NPM3: variants seen among roughly 807,000 people sequenced by gnomAD.
NPM3 encodes the protein nucleophosmin/nucleoplasmin 3.
NPM3 carries 12 observed loss-of-function variants against 18.1 expected under a neutral mutation model. The observed-to-expected ratio is 0.66, with a 90% CI of 0.42 to 1.07. The LOEUF (loss-of-function observed/expected upper bound fraction) is 1.07. Among genes scored for constraint, NPM3 ranks in the 50% least tolerant of loss-of-function variants. The probability of loss-of-function intolerance (pLI) is 0.00; values close to 1 mark genes in which losing one functional copy is unlikely to be tolerated. For synonymous variants in NPM3, 116 were observed against 93.7 expected (o/e 1.24, Z -1.38); for missense variants, 274 against 232.1 (o/e 1.18, Z -1.17).
At chr10:101,783,297 C>G in exon 1 of NPM3, 1 of 1,611,290 alleles carries the variant, frequency 6.2e-7, no homozygotes, top group Non-Finnish European at 8.5e-7. Flanking sequence ...TCCATAGTGA[C>G]CGGGGCCGGG....
intron 2 of NPM3, 100 bp downstream of exon 2, chr10:101,782,739 T>G: frequency 6.4e-7 from 1 of 1,569,960 alleles, no homozygotes; most frequent in South Asian, 1.1e-5. Flanking sequence ...GGGGTTAGGC[T>G]GAGGATGTGT....
At chr10:101,782,205 C>T in intron 4 of NPM3, 53 bp downstream of exon 4, 1 of 1,486,910 alleles carries the variant, frequency 6.7e-7, no homozygotes, top group South Asian at 1.2e-5. Context: ...GTGGGGGAAG[C>T]CTGATGGGAG....
chr10:101,783,010 C>T, intron 1 of NPM3, 86 bp from the exon 2 acceptor site: 1 of 1,254,622 alleles, frequency 8.0e-7, no homozygotes, highest in East Asian at 2.4e-5. Flanking sequence ...CACGTGTAAC[C>T]TTGGGCGGAC....
chr10:101,783,226 C>A, intron 1 of NPM3, 47 bp downstream of exon 1: 2 of 1,379,008 alleles, frequency 1.5e-6, no homozygotes, highest in Non-Finnish European at 2.0e-6. Context: ...CACATCCCTA[C>A]CTCTTACCGC....
chr10:101,783,274 G>A (rs2065157518), exon 1 of NPM3: 3 of 1,598,910 alleles, frequency 1.9e-6, no homozygotes, highest in East Asian at 4.5e-5. Context: ...CACTAATACC[G>A]AAGAAAAAAC....
chr10:101,781,335 C>T, exon 6 of NPM3: 1 of 198,910 alleles, frequency 5.0e-6, no homozygotes, highest in South Asian at 9.4e-5. Flanking sequence ...TGCAAAAACT[C>T]CACACCACTT....
intron 4 of NPM3, 126 bp downstream of exon 4, chr10:101,782,132 G>A (rs2135012199): frequency 1.1e-6 from 1 of 935,332 alleles, no homozygotes; most frequent in Non-Finnish European, 1.7e-6. Flanking sequence ...ACAGCGTGGA[G>A]GGCACACAGA....
chr10:101,781,634 T>C lies in NPM3; in HGVS notation c.*10-2A>G. 1 of 1,338,122 alleles carries C rather than the reference T, an allele frequency of 7.5e-7. No individual in the cohort carries two copies. Among genetic ancestry groups the C allele is most frequent in the African/African-American group, 1.5e-5 (1 of 67,416 alleles). The allele number at this position is 1,338,122 out of a possible 1,614,324, so 82.9% of individuals were successfully genotyped here. On this transcript the variant is annotated splice_acceptor_variant, in intron 5 of 5. Transcript: ENST00000370110. LOFTEE classifies it low-confidence loss of function (3UTR_SPLICE). ...CGGTGCATGGCACATGGAGCTGACC[T>C]GAAAAGAGGAAACAAGGAATCAGCA... is the stretch of plus-strand genomic sequence containing the variant.
At chr10:101,783,361 C>G in exon 1 of NPM3, 1 of 1,612,632 alleles carries the variant, frequency 6.2e-7, no homozygotes, top group Non-Finnish European at 8.5e-7. Context: ...GACTCAAAAA[C>G]GCTAAGGCAG....
At chr10:101,783,066 G>A in intron 1 of NPM3, 142 bp from the exon 2 acceptor site, 1 of 834,346 alleles carries the variant, frequency 1.2e-6, no homozygotes, top group Non-Finnish European at 1.9e-6. Context: ...AGAACACCTG[G>A]GACGCTCTGC....
chr10:101,782,248 C>T lies in NPM3; in HGVS notation c.418+10G>A. 1 of 1,611,406 alleles carries T rather than the reference C, an allele frequency of 6.2e-7. No individual in the cohort carries two copies. Among genetic ancestry groups the T allele is most frequent in the East Asian group, 2.2e-5 (1 of 44,804 alleles). ...TGGAAGCAAAGGAGAGGGCCCTCCCCTCTTCTCACCAATCTGGTGCCGCCC... is the reference window on the plus strand; with the variant it reads ...TGGAAGCAAAGGAGAGGGCCCTCCCTTCTTCTCACCAATCTGGTGCCGCCC... On this transcript the variant is annotated intron_variant, in intron 4 of 5. Coordinates refer to ENST00000370110, the Ensembl canonical transcript of NPM3.
chr10:101,783,017 G>T, intron 1 of NPM3, 93 bp from the exon 2 acceptor site: 2 of 1,185,880 alleles, frequency 1.7e-6, no homozygotes, highest in Non-Finnish European at 1.2e-6. Flanking sequence ...AACCTTGGGC[G>T]GACGGGTCAT....
At chr10:101,782,339 C>T (rs775768455) in exon 4 of NPM3, 1 of 1,613,888 alleles carries the variant, frequency 6.2e-7, no homozygotes, top group Non-Finnish European at 8.5e-7. Flanking sequence ...AGCTGGAAGT[C>T]ATCCAGACTG....
exon 3 of NPM3, chr10:101,782,548 A>G: frequency 6.2e-7 from 1 of 1,614,062 alleles, no homozygotes; most frequent in Non-Finnish European, 8.5e-7. Flanking sequence ...GTTCCGGGCC[A>G]CAACTTCTAC....
In NPM3 at chr10:101,783,403, T is replaced by G. The variant is rs1230630964; in HGVS notation, c.-13A>C. 3.2e-6 allele frequency: 5 copies of G among 1,563,218 alleles called. No homozygotes were observed. In the South Asian group the frequency reaches 5.8e-5, roughly 18 times the overall value. On this transcript the variant is annotated 5_prime_UTR_variant, in exon 1 of 6. Coordinates refer to ENST00000370110, the Ensembl canonical transcript of NPM3. ...TACCGGCGGCCATGCTGTAAGAGCCTTCTTCAAACTCCGCCCCCGACACGC... is the reference window on the plus strand; with the variant it reads ...TACCGGCGGCCATGCTGTAAGAGCCGTCTTCAAACTCCGCCCCCGACACGC...
exon 5 of NPM3, chr10:101,781,804 C>T: frequency 6.2e-7 from 1 of 1,614,152 alleles, no homozygotes; most frequent in Non-Finnish European, 8.5e-7. Flanking sequence ...TCATCACTGT[C>T]CTCTTCCTCT....
In NPM3 at chr10:101,782,636, G is replaced by A. The variant is rs1226554745; in HGVS notation, c.205-39C>T. The A allele has an allele frequency of 5.6e-6, 9 of 1,611,830 alleles. No homozygotes were observed. In the African/African-American group the frequency reaches 6.7e-5, roughly 12 times the overall value. On this transcript the variant is annotated intron_variant, in intron 2 of 5. Transcript: ENST00000370110. ...ACAGGGCCTCAGGGTCTCCTCAAGTGAGGGTTGACACCACAACTAAAGGCA... is the reference window on the plus strand; with the variant it reads ...ACAGGGCCTCAGGGTCTCCTCAAGTAAGGGTTGACACCACAACTAAAGGCA...
intron 1 of NPM3, 68 bp from the exon 2 acceptor site, chr10:101,782,992 C>T: frequency 1.4e-6 from 2 of 1,436,424 alleles, no homozygotes; most frequent in Non-Finnish European, 9.7e-7. Flanking sequence ...ATGTCACCAA[C>T]CCGCCGTCAC....
In NPM3 at chr10:101,782,841, T is replaced by C. The variant is rs2065153035; in HGVS notation, c.202A>G (p.Met68Val). The change falls in exon 2 of 6, where the codon ATG becomes GTG. Residue 68 changes from methionine (M) to valine (V), a missense_variant and splice_region_variant. Met to Val is a conservative substitution (Grantham distance 21). Coordinates refer to ENST00000370110, the Ensembl canonical transcript of NPM3. ...AACCCCACTCCCCTGCCCCTCACCA[T>C]GGTTAGTGCCAGCACGTGCTCCGCA... 1 of 1,614,066 alleles carries C rather than the reference T, an allele frequency of 6.2e-7. No homozygotes were observed. The highest frequency in any genetic ancestry group is 8.5e-7 in the Non-Finnish European group (1 of 1,179,976).
Sources: allele counts gnomAD v4.1 joint callset, GRCh38; gene constraint gnomAD v4.1.1; transcripts MANE v1.5; gene names NCBI Gene and HGNC (gene_info 2026-07-23, HGNC 2026-07-21).